TNFSF4: variants seen among roughly 807,000 people sequenced by gnomAD.
TNFSF4 encodes TNF superfamily member 4.
A neutral mutation model predicts 7.3 loss-of-function variants in TNFSF4; 4 were observed. The ratio of observed to expected loss-of-function variants is 0.55; its 90% confidence interval spans 0.27 to 1.25. The LOEUF (loss-of-function observed/expected upper bound fraction) is 1.25, where lower values mean the gene tolerates loss of function less well. TNFSF4 is among the 50% of genes most tolerant of loss of function. TNFSF4 has a pLI of 0.12. For synonymous variants in TNFSF4, 76 were observed against 83.7 expected, an observed-to-expected ratio of 0.91 and a Z score of 0.50; for missense variants, 181 against 208.8, an observed-to-expected ratio of 0.87 and a Z score of 0.82.
At chr1:173,236,838 A>G in the TNFSF4 span, among the ~76,000 whole-genome samples, 1 of 152,200 alleles carries the variant, frequency 6.6e-6, no homozygotes, top group Non-Finnish European at 1.5e-5. Context: ...AGAGACTGGG[A>G]AGGGTAGGAG....
At chr1:173,342,686 A>G in the TNFSF4 span, among the ~76,000 whole-genome samples, 1 of 152,134 alleles carries the variant, frequency 6.6e-6, no homozygotes, top group African/African-American at 2.4e-5. Context: ...CCTCCTACAC[A>G]CTAAGGAAGC....
the TNFSF4 span, among the ~76,000 whole-genome samples, chr1:173,403,408 G>A: frequency 2.0e-5 from 3 of 152,124 alleles, no homozygotes; most frequent in East Asian, 1.9e-4. Flanking sequence ...AAAGGAGTTC[G>A]CCAATGTAAG....
the TNFSF4 span, among the ~76,000 whole-genome samples, chr1:173,352,330 G>A: frequency 2.0e-5 from 3 of 152,206 alleles, no homozygotes; most frequent in South Asian, 2.1e-4. Flanking sequence ...GATGGTGCAC[G>A]TGTTTGCAAG....
the TNFSF4 span, among the ~76,000 whole-genome samples, chr1:173,416,106 C>G: frequency 6.6e-6 from 1 of 152,104 alleles, no homozygotes; most frequent in Non-Finnish European, 1.5e-5. Context: ...TAGAGCCAAC[C>G]CAGGCTCTCC....
At chr1:173,345,052 G>A in the TNFSF4 span, among the ~76,000 whole-genome samples, 1 of 152,156 alleles carries the variant, frequency 6.6e-6, no homozygotes, top group Admixed American at 6.5e-5. Context: ...GGAGAATTTG[G>A]GGGATCAGAA....
At chr1:173,407,703 G>T in the TNFSF4 span, among the ~76,000 whole-genome samples, 2 of 148,254 alleles carry the variant, frequency 1.3e-5, no homozygotes, top group Non-Finnish European at 3.0e-5. Flanking sequence ...GATGTAAATG[G>T]GTGTGTGTGT....
the TNFSF4 span, among the ~76,000 whole-genome samples, chr1:173,356,296 C>T: frequency 1.3e-5 from 2 of 152,088 alleles, no homozygotes; most frequent in African/African-American, 4.8e-5. Context: ...AATGAAGTAA[C>T]TCAAAATTCC....
chr1:173,392,634 C>G, the TNFSF4 span, among the ~76,000 whole-genome samples: 1 of 152,160 alleles, frequency 6.6e-6, no homozygotes, highest in South Asian at 2.1e-4. Flanking sequence ...GAATATATAT[C>G]TTTCTCAAGA....
chr1:173,266,424 G>A, the TNFSF4 span, among the ~76,000 whole-genome samples: 1 of 152,114 alleles, frequency 6.6e-6, no homozygotes, highest in Non-Finnish European at 1.5e-5. Flanking sequence ...AAAATAGGAT[G>A]AACACCTGCT....
At chr1:173,446,911 G>C in the TNFSF4 span, among the ~76,000 whole-genome samples, 5 of 152,288 alleles carry the variant, frequency 3.3e-5, no homozygotes, top group South Asian at 1.0e-3. Flanking sequence ...AGCTTATTGA[G>C]TGACTTTGCC....
At chr1:173,441,319 C>T in the TNFSF4 span, among the ~76,000 whole-genome samples, 1 of 152,090 alleles carries the variant, frequency 6.6e-6, no homozygotes, top group Non-Finnish European at 1.5e-5. Context: ...AATCTCACTT[C>T]CTCTCCTTCC....
chr1:173,303,967 T>G, the TNFSF4 span, among the ~76,000 whole-genome samples: 1 of 152,058 alleles, frequency 6.6e-6, no homozygotes, highest in Non-Finnish European at 1.5e-5. Context: ...CAACAGCATT[T>G]TCAGAAGAAA....
chr1:173,385,808 C>T, the TNFSF4 span, among the ~76,000 whole-genome samples: 91 of 151,988 alleles, frequency 6.0e-4, no homozygotes, highest in African/African-American at 2.2e-3. Flanking sequence ...TGTTGCTGCA[C>T]TCCAGCCTGG....
chr1:173,319,714 CAG>C, the TNFSF4 span, among the ~76,000 whole-genome samples: 1 of 152,176 alleles, frequency 6.6e-6, no homozygotes, highest in Non-Finnish European at 1.5e-5. Flanking sequence ...CCCAGGGAAA[CAG>C]GGTCTGAAGT....
the TNFSF4 span, among the ~76,000 whole-genome samples, chr1:173,242,725 G>C: frequency 6.6e-6 from 1 of 152,058 alleles, no homozygotes; most frequent in Non-Finnish European, 1.5e-5. Context: ...TGTGGTTTTT[G>C]AAGATGGAGG....
chr1:173,299,513 G>A, the TNFSF4 span, among the ~76,000 whole-genome samples: 10 of 151,840 alleles, frequency 6.6e-5, no homozygotes, highest in Admixed American at 3.3e-4. Context: ...CTTCTCCCAC[G>A]GGAAATATTC....
At chr1:173,352,630 C>T in the TNFSF4 span, among the ~76,000 whole-genome samples, 46,314 of 152,172 alleles carry the variant, frequency 0.3, 7,261 homozygotes, top group East Asian at 0.35. Flanking sequence ...AAGGTCAGGG[C>T]GAGATCACAA....
chr1:173,232,780 T>C, the TNFSF4 span, among the ~76,000 whole-genome samples: 146 of 152,364 alleles, frequency 9.6e-4, no homozygotes, highest in African/African-American at 3.4e-3. Context: ...TTTATTGATT[T>C]GTGTATGTTG....
chr1:173,355,321 A>C, the TNFSF4 span, among the ~76,000 whole-genome samples: 1 of 152,184 alleles, frequency 6.6e-6, no homozygotes, highest in Non-Finnish European at 1.5e-5. Flanking sequence ...AAGGTAACAA[A>C]ATCACAGGTT....
Sources: gnomAD v4.1 joint callset for allele counts (sites outside exome capture counted in the v4.1 genomes callset) on GRCh38, gnomAD v4.1.1 for gene constraint, MANE v1.5 for transcripts, NCBI Gene and HGNC (gene_info 2026-07-23, HGNC 2026-07-21) for gene names.